The following NFIX variants were observed in gnomAD, a reference collection of about 807,000 sequenced individuals.
The protein encoded by NFIX is nuclear factor 1 X-type.
A neutral mutation model predicts 53.3 loss-of-function variants in NFIX; 2 were observed. That is an observed-to-expected ratio of 0.04 (90% confidence interval 0.02 to 0.12). The LOEUF (loss-of-function observed/expected upper bound fraction) is 0.12, where lower values mean the gene tolerates loss of function less well. NFIX is among the 10% of genes least tolerant of loss of function. The pLI is 1.00. For synonymous variants in NFIX, 244 were observed against 289.0 expected (o/e 0.84, Z 1.58); for missense variants, 310 against 674.5 (o/e 0.46, Z 5.99).
chr19:13,075,496 C>A, intron 5 of NFIX, 39 bp from the exon 6 acceptor site: 1 of 1,608,230 alleles, frequency 6.2e-7, no homozygotes, highest in Non-Finnish European at 8.5e-7. Flanking sequence ...GGAGCCTCAG[C>A]CCATCCTTGG....
chr19:12,997,706 C>T (rs1266382054), intron 1 of NFIX, among the ~76,000 whole-genome samples: 1 of 152,258 alleles, frequency 6.6e-6, no homozygotes, highest in Admixed American at 6.5e-5. Context: ...GCCAAGCACG[C>T]CAGACATCTG....
At chr19:13,065,164 G>A (rs1319660802) in intron 2 of NFIX, among the ~76,000 whole-genome samples, 3 of 152,066 alleles carry the variant, frequency 2.0e-5, no homozygotes, top group Admixed American at 6.5e-5. Flanking sequence ...CCCAGGATAG[G>A]GTATCCACAG....
In NFIX at chr19:13,001,458, G is replaced by A. The variant is rs575323016; in HGVS notation, c.27+5594G>A. 6.6e-6 allele frequency among the ~76,000 whole-genome samples: 1 copy of A among 152,228 alleles called. No homozygotes were observed. The highest frequency in any genetic ancestry group is 2.1e-4 in the South Asian group (1 of 4,814). ...CCGGATGTAGTCTCTGTGTCACGGT[G>A]GCGCTGCGCACGTCAACGGGTATTG... On this transcript the variant is annotated intron_variant, in intron 1 of 10. Transcript: ENST00000592199. The surrounding 1 kb of genome is among the most constrained non-coding windows in gnomAD (Gnocchi z 6.5).
chr19:13,075,426 C>A, intron 5 of NFIX, 109 bp from the exon 6 acceptor site: 1 of 1,259,270 alleles, frequency 7.9e-7, no homozygotes, highest in South Asian at 1.6e-5. Flanking sequence ...GCCGGCACCA[C>A]TCCCCACCCA....
At position 13,011,076 on chromosome 19, in the gene NFIX, C is replaced by A. The variant is rs1335010749; in HGVS notation, c.28-13945C>A. The stretch of plus-strand genomic sequence containing the variant: ...GGATTTTACCACCCCCACTAGGCTT[C>A]GACCCAAACCTGCAAAAACCATTTC... On this transcript the variant is annotated intron_variant, in intron 1 of 10. Transcript: ENST00000592199. The surrounding 1 kb of genome is among the most constrained non-coding windows in gnomAD (Gnocchi z 6.5). 6.6e-6 allele frequency among the ~76,000 whole-genome samples: 1 copy of A among 152,186 alleles called. No individual in the cohort carries two copies. Among genetic ancestry groups the A allele is most frequent in the Non-Finnish European group, 1.5e-5 (1 of 68,038 alleles).
At chr19:13,079,726 T>C (rs1229854120) in intron 7 of NFIX, among the ~76,000 whole-genome samples, 1 of 152,198 alleles carries the variant, frequency 6.6e-6, no homozygotes, top group Non-Finnish European at 1.5e-5. Context: ...CAGGCCTGGC[T>C]CCTCCGGCTC....
Position 13,088,262 on chromosome 19 carries a change from G to A in NFIX, c.1402+126G>A. 1.7e-6 allele frequency: 2 copies of A among 1,194,450 alleles called. No individual in the cohort carries two copies. The highest frequency in any genetic ancestry group is 5.2e-5 in the East Asian group (2 of 38,774). The allele number at this position is 1,194,450 out of a possible 1,614,324, so 74.0% of individuals were successfully genotyped here. On this transcript the variant is annotated intron_variant, in intron 9 of 10. Transcript: ENST00000592199. The surrounding 1 kb of genome is among the most constrained non-coding windows in gnomAD (Gnocchi z 5.9). ...AAGCCCCCCAACCCAGAGCACCATG[G>A]ACAAGAGCAGAGCCGAGCCCCCCAA...
Position 13,014,914 on chromosome 19 carries a change from C to T in NFIX, c.28-10107C>T, listed in dbSNP as rs1599722010. Among the ~76,000 whole-genome samples, 1 of 152,130 alleles carries T rather than the reference C, an allele frequency of 6.6e-6. No homozygotes were observed. The highest frequency in any genetic ancestry group is 1.5e-5 in the Non-Finnish European group (1 of 68,038). ...CGAGGTGGCTGCGGTGGCCCTTCCGCCAGGTGTGGGGTAGACCGCTTAGAA... is the reference window on the plus strand; with the variant it reads ...CGAGGTGGCTGCGGTGGCCCTTCCGTCAGGTGTGGGGTAGACCGCTTAGAA... On this transcript the variant is annotated intron_variant, in intron 1 of 10. Coordinates refer to ENST00000592199, the MANE Select transcript of NFIX (RefSeq NM_001365902.3). This position sits in a 1 kb window ranked among gnomAD's most constrained non-coding sequence, Gnocchi z 4.4.
chr19:13,085,479 C>T (rs2017722943), intron 8 of NFIX, among the ~76,000 whole-genome samples: 1 of 152,350 alleles, frequency 6.6e-6, no homozygotes, highest in Admixed American at 6.5e-5. Context: ...CCGTCCCATT[C>T]CCTCCTTCTA....
intron 1 of NFIX, among the ~76,000 whole-genome samples, chr19:12,999,318 G>A (rs10401617): frequency 0.013 from 1,974 of 151,830 alleles, 46 homozygotes; most frequent in African/African-American, 0.045. Flanking sequence ...GATTACAGGT[G>A]CCCGCCACCA....
rs968088814 is a variant in NFIX, at chr19:13,011,802, T to A, written c.28-13219T>A. ...CGACAGGTGCCCGTCGCCCACAGGC[T>A]CCTTTCATTGTAGCCTCCCTGGAGG... On this transcript the variant is annotated intron_variant, in intron 1 of 10. Coordinates refer to ENST00000592199, the MANE Select transcript of NFIX (RefSeq NM_001365902.3). The surrounding 1 kb of genome is among the most constrained non-coding windows in gnomAD (Gnocchi z 6.5). Among the ~76,000 whole-genome samples, 2 of 152,058 alleles carry A rather than the reference T, an allele frequency of 1.3e-5. No individual in the cohort carries two copies. The highest frequency in any genetic ancestry group is 4.8e-5 in the African/African-American group (2 of 41,378).
rs775650385 is a variant in NFIX at position 13,028,697 on chromosome 19, C to T, written c.559+3145C>T. Reference sequence around the variant, plus strand: ...GCAGGGCAGGGTCAGAGAGCACTGCCGTGGGGAGGAGGGTATCCATTTCCT... The same window carrying T: ...GCAGGGCAGGGTCAGAGAGCACTGCTGTGGGGAGGAGGGTATCCATTTCCT... On this transcript the variant is annotated intron_variant, in intron 2 of 10. Coordinates refer to ENST00000592199, the MANE Select transcript of NFIX (RefSeq NM_001365902.3). The surrounding 1 kb of genome is among the most constrained non-coding windows in gnomAD (Gnocchi z 4.2). Among the ~76,000 whole-genome samples, 2 of 152,068 alleles carry T rather than the reference C, an allele frequency of 1.3e-5. No homozygotes were observed. The highest frequency in any genetic ancestry group is 2.9e-5 in the Non-Finnish European group (2 of 68,008).
At chr19:13,061,515 G>C (rs1038706881) in intron 2 of NFIX, among the ~76,000 whole-genome samples, 2 of 152,212 alleles carry the variant, frequency 1.3e-5, no homozygotes, top group African/African-American at 2.4e-5. Context: ...CGCAGCCCTC[G>C]GAGGGCAGCT....
rs1266577364 is a variant in NFIX, at chr19:13,011,770, C to T, written c.28-13251C>T. 6.6e-6 allele frequency among the ~76,000 whole-genome samples: 1 copy of T among 152,198 alleles called. No individual in the cohort carries two copies. The highest frequency in any genetic ancestry group is 1.5e-5 in the Non-Finnish European group (1 of 68,030). On this transcript the variant is annotated intron_variant, in intron 1 of 10. Coordinates refer to ENST00000592199, the MANE Select transcript of NFIX (RefSeq NM_001365902.3). This position sits in a 1 kb window ranked among gnomAD's most constrained non-coding sequence, Gnocchi z 6.5. ...CCTGAGACCGCCCCTCCGCCAAGTG[C>T]GCCCCTCGACAGGTGCCCGTCGCCC...
rs573535272 is a variant in NFIX at position 13,040,090 on chromosome 19, A to G, written c.559+14538A>G. 5.9e-5 allele frequency among the ~76,000 whole-genome samples: 9 copies of G among 152,242 alleles called. 1 individual carries two copies. The highest frequency in any genetic ancestry group is 2.2e-4 in the African/African-American group (9 of 41,554). ...GAGAAGCTGTGGGTTAATGGGTTCA[A>G]AGAGACTTGGTTTTTCAAAATACTT... On this transcript the variant is annotated intron_variant, in intron 2 of 10. Transcript: ENST00000592199. The surrounding 1 kb of genome is among the most constrained non-coding windows in gnomAD (Gnocchi z 4.2).
In NFIX at chr19:13,006,670, A is replaced by C. The variant is rs1164352411; in HGVS notation, c.27+10806A>C. ...CAGTACCAGGCTGCGCCATCTTTGC[A>C]GGGTCTTGGGGATCTGCCCACAGCT... On this transcript the variant is annotated intron_variant, in intron 1 of 10. Transcript: ENST00000592199. The surrounding 1 kb of genome is among the most constrained non-coding windows in gnomAD (Gnocchi z 5.6). Among the ~76,000 whole-genome samples, 1 of 152,128 alleles carries C rather than the reference A, an allele frequency of 6.6e-6. No homozygotes were observed. Among genetic ancestry groups the C allele is most frequent in the Non-Finnish European group, 1.5e-5 (1 of 68,006 alleles).
rs1187461724 is a variant in NFIX, at chr19:13,087,961, T to C, written c.1255-28T>C. On this transcript the variant is annotated intron_variant, in intron 8 of 10. Transcript: ENST00000592199. The stretch of plus-strand genomic sequence containing the variant: ...TGTGTCTGTGTGTGATGTGCCTTCA[T>C]GCGTCACTCTATTTATGTTGTTCGC... The C allele has an allele frequency of 1.4e-5, 21 of 1,535,778 alleles. 1 individual carries two copies. In the South Asian group the frequency reaches 2.4e-4, roughly 17 times the overall value.
intron 1 of NFIX, 96 bp downstream of exon 1, chr19:12,995,960 G>A (rs982567552): frequency 1.4e-5 from 6 of 443,322 alleles, no homozygotes; most frequent in African/African-American, 4.3e-5. Context: ...GGCCGGGAAG[G>A]GGGGGCCGAG....
At position 13,089,626 on chromosome 19, in the gene NFIX, C is replaced by T. The variant is rs1363937142; in HGVS notation, c.1403-673C>T. Among the ~76,000 whole-genome samples, 7 of 152,244 alleles carry T rather than the reference C, an allele frequency of 4.6e-5. No individual in the cohort carries two copies. Among genetic ancestry groups the T allele is most frequent in the African/African-American group, 7.2e-5 (3 of 41,470 alleles). ...CTGGGCCCAAGCCAGGCAGCCAGCT[C>T]CTAGGCCCTTCTCTGACCCTGCCCT... On this transcript the variant is annotated intron_variant, in intron 9 of 10. Transcript: ENST00000592199. This position sits in a 1 kb window ranked among gnomAD's most constrained non-coding sequence, Gnocchi z 4.8.
Sources: allele counts gnomAD v4.1 joint callset (sites outside exome capture counted in the v4.1 genomes callset), GRCh38; gene constraint gnomAD v4.1.1; non-coding constraint Gnocchi (gnomAD v3.1); transcripts MANE v1.5; gene names NCBI Gene and HGNC (gene_info 2026-07-23, HGNC 2026-07-21).